The following DACH1 variants were observed in gnomAD, a reference collection of about 807,000 sequenced individuals.
The protein encoded by DACH1 is dachshund family transcription factor 1.
A neutral mutation model predicts 54.2 loss-of-function variants in DACH1; 12 were observed. The observed-to-expected ratio is 0.22, with a 90% CI of 0.14 to 0.36. The LOEUF (loss-of-function observed/expected upper bound fraction) is 0.36. DACH1 is among the 10% of genes least tolerant of loss of function. The probability of loss-of-function intolerance (pLI) is 1.00; values close to 1 mark genes in which losing one functional copy is unlikely to be tolerated. For synonymous variants in DACH1, 386 were observed against 366.2 expected, an observed-to-expected ratio of 1.05 and a Z score of -0.62; for missense variants, 805 against 929.8, an observed-to-expected ratio of 0.87 and a Z score of 1.75.
intron 1 of DACH1, among the ~76,000 whole-genome samples, chr13:71,794,933 CT>C (rs1886981953): frequency 6.6e-6 from 1 of 152,114 alleles, no homozygotes. Flanking sequence ...TTAAGCATAT[CT>C]TAAACCTTGC....
At chr13:71,532,845 A>T (rs1882505209) in intron 6 of DACH1, among the ~76,000 whole-genome samples, 1 of 151,914 alleles carries the variant, frequency 6.6e-6, no homozygotes, top group Non-Finnish European at 1.5e-5. Flanking sequence ...TGTTAGTTTT[A>T]TTTTTATGAA....
chr13:71,831,548 A>G (rs1350986177), intron 1 of DACH1, among the ~76,000 whole-genome samples: 3 of 151,832 alleles, frequency 2.0e-5, no homozygotes, highest in Non-Finnish European at 4.4e-5. Flanking sequence ...CTGTACTACT[A>G]TATACCCACC....
intron 1 of DACH1, among the ~76,000 whole-genome samples, chr13:71,694,097 C>T (rs1003383385): frequency 1.3e-5 from 2 of 152,138 alleles, no homozygotes; most frequent in Admixed American, 6.5e-5. Flanking sequence ...AGATGGCTGA[C>T]GCAACCTAAA....
At chr13:71,761,348 A>T (rs1379962490) in intron 1 of DACH1, among the ~76,000 whole-genome samples, 1 of 152,182 alleles carries the variant, frequency 6.6e-6, no homozygotes, top group East Asian at 1.9e-4. Flanking sequence ...GCTTGTACTT[A>T]TAAGCGCTGA....
chr13:71,469,421 T>C (rs1162491961), intron 10 of DACH1, among the ~76,000 whole-genome samples: 3 of 152,052 alleles, frequency 2.0e-5, no homozygotes, highest in African/African-American at 4.8e-5. Context: ...TATGATTCTT[T>C]GGAGCTGTAA....
intron 3 of DACH1, among the ~76,000 whole-genome samples, chr13:71,599,226 A>G (rs1404401708): frequency 6.6e-6 from 1 of 152,178 alleles, no homozygotes; most frequent in Non-Finnish European, 1.5e-5. Context: ...CACATGTTTT[A>G]AATAATTTAA....
At chr13:71,798,240 G>C (rs749274796) in intron 1 of DACH1, among the ~76,000 whole-genome samples, 1 of 148,922 alleles carries the variant, frequency 6.7e-6, no homozygotes, top group Non-Finnish European at 1.5e-5. Flanking sequence ...CTTGGGATAT[G>C]CTTTTATCTG....
chr13:71,611,901 G>A (rs543262164), intron 3 of DACH1, among the ~76,000 whole-genome samples: 37 of 152,058 alleles, frequency 2.4e-4, no homozygotes, highest in African/African-American at 8.4e-4. Flanking sequence ...AAAAAGACAA[G>A]GTCCCTGCCA....
At chr13:71,839,914 C>T (rs946809764) in intron 1 of DACH1, among the ~76,000 whole-genome samples, 2 of 151,914 alleles carry the variant, frequency 1.3e-5, no homozygotes, top group African/African-American at 4.8e-5. Context: ...TTATGTTTTC[C>T]TCCCTATATC....
rs921136216 is a variant in DACH1, at chr13:71,565,676, TA to T, written c.1300-5722del. ...GCCCCAAATAATATTTACATAGCTT[TA>T]AAAAAAAACTTTGATTATGGAACTC... On this transcript the variant is annotated intron_variant, in intron 4 of 10. Transcript: ENST00000613252. 7.9e-5 allele frequency among the ~76,000 whole-genome samples: 12 copies of T among 151,490 alleles called. No individual in the cohort carries two copies. In the South Asian group the frequency reaches 8.3e-4, roughly 11 times the overall value.
chr13:71,745,758 T>C (rs1013521002), intron 1 of DACH1, among the ~76,000 whole-genome samples: 7 of 152,186 alleles, frequency 4.6e-5, no homozygotes, highest in African/African-American at 4.8e-5. Context: ...ACTGCCATTA[T>C]GCAAACAAAA....
intron 1 of DACH1, among the ~76,000 whole-genome samples, chr13:71,856,194 G>C (rs1173342746): frequency 5.9e-5 from 9 of 151,848 alleles, no homozygotes; most frequent in Non-Finnish European, 1.2e-4. Flanking sequence ...TTTGAATTGG[G>C]ATCAGTTCAT....
chr13:71,729,595 A>T (rs574427721), intron 1 of DACH1, among the ~76,000 whole-genome samples: 144 of 152,210 alleles, frequency 9.5e-4, no homozygotes, highest in Non-Finnish European at 1.8e-3. Flanking sequence ...GTTAAATGTT[A>T]GTCAGGTCCT....
chr13:71,831,929 G>A (rs1888608463), intron 1 of DACH1, among the ~76,000 whole-genome samples: 1 of 151,866 alleles, frequency 6.6e-6, no homozygotes, highest in South Asian at 2.1e-4. Flanking sequence ...GAGCGACCCT[G>A]GGGTGATTTA....
chr13:71,839,476 G>A (rs553057263), intron 1 of DACH1, among the ~76,000 whole-genome samples: 15 of 152,046 alleles, frequency 9.9e-5, no homozygotes, highest in South Asian at 8.3e-4. Flanking sequence ...GTGTGGTGGC[G>A]GGCGCCTGTA....
intron 1 of DACH1, among the ~76,000 whole-genome samples, chr13:71,771,980 C>G (rs904107705): frequency 6.6e-6 from 1 of 151,152 alleles, no homozygotes; most frequent in Non-Finnish European, 1.5e-5. Context: ...AAGTTACTGG[C>G]AAGTTGATCT....
intron 1 of DACH1, among the ~76,000 whole-genome samples, chr13:71,711,990 G>C (rs1882742672): frequency 6.6e-6 from 1 of 152,036 alleles, no homozygotes; most frequent in Non-Finnish European, 1.5e-5. Flanking sequence ...AAACAAATGA[G>C]CATATAACCA....
intron 6 of DACH1, among the ~76,000 whole-genome samples, chr13:71,501,964 A>G (rs980230035): frequency 1.3e-5 from 2 of 152,186 alleles, no homozygotes; most frequent in Non-Finnish European, 1.5e-5. Context: ...CAACTAGGAA[A>G]GACAGCAGCC....
chr13:71,468,674 AG>A, intron 10 of DACH1, among the ~76,000 whole-genome samples: 1 of 152,308 alleles, frequency 6.6e-6, no homozygotes, highest in East Asian at 1.9e-4. Context: ...AAAGAAACAA[AG>A]GGGCTCACCA....
Sources: allele counts gnomAD v4.1 joint callset (sites outside exome capture counted in the v4.1 genomes callset), GRCh38; gene constraint gnomAD v4.1.1; transcripts MANE v1.5; gene names NCBI Gene and HGNC (gene_info 2026-07-23, HGNC 2026-07-21).